The following SLC35F1 variants were observed in gnomAD, a reference collection of about 807,000 sequenced individuals.
SLC35F1 encodes the protein chromosome 6 open reading frame 169.
In SLC35F1, 14 loss-of-function variants were observed where a neutral mutation model predicts 48.7. The ratio of observed to expected loss-of-function variants is 0.29; its 90% CI spans 0.19 to 0.45. The LOEUF (loss-of-function observed/expected upper bound fraction) is 0.45, where lower values mean the gene tolerates loss of function less well. Ranked by LOEUF, SLC35F1 falls within the 20% of genes least tolerant of loss-of-function variation. The pLI is 1.00. For synonymous variants in SLC35F1, 190 were observed against 202.2 expected (o/e 0.94, Z 0.51); for missense variants, 404 against 500.0 (o/e 0.81, Z 1.83).
chr6:118,059,709 C>A (rs943387543), intron 1 of SLC35F1, among the ~76,000 whole-genome samples: 10 of 152,124 alleles, frequency 6.6e-5, no homozygotes, highest in Admixed American at 6.5e-4. Flanking sequence ...GTTTTAAAAG[C>A]TGGAAGCAAA....
At chr6:118,313,026 A>C (rs956422583) in intron 7 of SLC35F1, among the ~76,000 whole-genome samples, 1 of 152,148 alleles carries the variant, frequency 6.6e-6, no homozygotes, top group Non-Finnish European at 1.5e-5. Context: ...GTTTTTGTCT[A>C]TCTGTACCTG....
At chr6:118,279,999 A>G (rs900347047) in intron 6 of SLC35F1, among the ~76,000 whole-genome samples, 2 of 152,144 alleles carry the variant, frequency 1.3e-5, no homozygotes, top group Non-Finnish European at 2.9e-5. Context: ...TTTGGGATAC[A>G]TGTTTTCTAT....
intron 1 of SLC35F1, among the ~76,000 whole-genome samples, chr6:118,116,288 A>G (rs1275011018): frequency 6.6e-6 from 1 of 152,198 alleles, no homozygotes; most frequent in Admixed American, 6.5e-5. Flanking sequence ...TTTGTTTAGG[A>G]AAGCATACCT....
At chr6:118,312,263 T>C (rs1298698380) in intron 7 of SLC35F1, among the ~76,000 whole-genome samples, 6 of 152,284 alleles carry the variant, frequency 3.9e-5, no homozygotes, top group South Asian at 2.1e-4. Context: ...ATATTTGAAA[T>C]GATGGTAATG....
intron 1 of SLC35F1, among the ~76,000 whole-genome samples, chr6:118,047,617 T>C (rs979406855): frequency 6.6e-6 from 1 of 152,192 alleles, no homozygotes; most frequent in Non-Finnish European, 1.5e-5. Context: ...CATGTTGATT[T>C]CCACTCTAAC....
In SLC35F1 at chr6:117,953,373, A is replaced by ACACATAT. The variant is rs767194386; in HGVS notation, c.173+45474_173+45475insCACATAT. 2.5e-3 allele frequency among the ~76,000 whole-genome samples: 381 copies of ACACATAT among 152,226 alleles called. 1 individual carries two copies. The highest frequency in any genetic ancestry group is 2.9e-3 in the Non-Finnish European group (200 of 68,004). ...TTATTTTTTATTGAATTTTTTTCTA[A>ACACATAT]ATATGGCTTTGTACACATATATATC... On this transcript the variant is annotated intron_variant, in intron 1 of 7. Transcript: ENST00000360388.
intron 1 of SLC35F1, among the ~76,000 whole-genome samples, chr6:118,141,385 C>T (rs892832556): frequency 4.9e-4 from 73 of 148,440 alleles, no homozygotes; most frequent in African/African-American, 1.8e-3. Context: ...TCTAGGTTTG[C>T]GTAAGTACAC....
chr6:118,198,629 T>TA (rs1403528529), intron 2 of SLC35F1, among the ~76,000 whole-genome samples: 4 of 152,254 alleles, frequency 2.6e-5, no homozygotes, highest in African/African-American at 9.6e-5. Flanking sequence ...ATTAAACACT[T>TA]ACACTTCCAT....
intron 1 of SLC35F1, among the ~76,000 whole-genome samples, chr6:118,043,062 G>A (rs1273055715): frequency 6.6e-6 from 1 of 152,118 alleles, no homozygotes; most frequent in Non-Finnish European, 1.5e-5. Flanking sequence ...TGTGCGGTTA[G>A]GATTCTATTT....
chr6:118,079,227 TCTCTA>T (rs1236529158), intron 1 of SLC35F1, among the ~76,000 whole-genome samples: 3 of 152,290 alleles, frequency 2.0e-5, no homozygotes, highest in East Asian at 3.9e-4. Flanking sequence ...CTCTTGGTAG[TCTCTA>T]CTCTACTTCT....
chr6:118,094,157 A>G lies in SLC35F1; in HGVS notation c.174-60288A>G, dbSNP rs375758569. Among the ~76,000 whole-genome samples, 17 of 152,304 alleles carry G rather than the reference A, an allele frequency of 1.1e-4. No individual in the cohort carries two copies. The East Asian group carries it at 1.2e-3, about 10-fold the overall frequency. ...TATGGGGGAAAATCGAGATGCAAAGAAAGAGAGCAGGGATACTTTCAAGAG... is the reference window on the plus strand; with the variant it reads ...TATGGGGGAAAATCGAGATGCAAAGGAAGAGAGCAGGGATACTTTCAAGAG... On this transcript the variant is annotated intron_variant, in intron 1 of 7. Coordinates refer to ENST00000360388, the MANE Select transcript of SLC35F1 (RefSeq NM_001029858.4).
At chr6:118,193,180 T>C (rs180976301) in intron 2 of SLC35F1, among the ~76,000 whole-genome samples, 11 of 152,320 alleles carry the variant, frequency 7.2e-5, no homozygotes, top group Non-Finnish European at 1.3e-4. Context: ...ATTAGTGTAC[T>C]ATTAATGTCA....
intron 3 of SLC35F1, among the ~76,000 whole-genome samples, chr6:118,238,483 T>G (rs1354826409): frequency 6.6e-6 from 1 of 151,564 alleles, no homozygotes; most frequent in Non-Finnish European, 1.5e-5. Flanking sequence ...TTCTCATAAC[T>G]GGAACATCTA....
Position 118,060,732 on chromosome 6 carries a change from G to A in SLC35F1, c.174-93713G>A, listed in dbSNP as rs147004534. Among the ~76,000 whole-genome samples, 74 of 152,326 alleles carry A rather than the reference G, an allele frequency of 4.9e-4. 1 individual carries two copies. The Middle Eastern group carries it at 0.01, about 21-fold the overall frequency. On this transcript the variant is annotated intron_variant, in intron 1 of 7. Coordinates refer to ENST00000360388, the MANE Select transcript of SLC35F1 (RefSeq NM_001029858.4). ...TGTATTATTTTTGTCAGCCTGAATG[G>A]AAGATATTTAGTAAAGCAGGAACAA...
At chr6:118,287,304 A>G (rs1056711674) in intron 7 of SLC35F1, among the ~76,000 whole-genome samples, 6 of 152,142 alleles carry the variant, frequency 3.9e-5, no homozygotes, top group Non-Finnish European at 7.4e-5. Flanking sequence ...TCTCCTCTTC[A>G]GTTAAGCATC....
At chr6:118,000,552 CCTCT>C (rs1777076759) in intron 1 of SLC35F1, among the ~76,000 whole-genome samples, 1 of 152,094 alleles carries the variant, frequency 6.6e-6, no homozygotes, top group Non-Finnish European at 1.5e-5. Flanking sequence ...ACAGGGATTC[CCTCT>C]CTCACCACTC....
At chr6:117,925,876 T>C (rs917534891) in intron 1 of SLC35F1, among the ~76,000 whole-genome samples, 38 of 152,232 alleles carry the variant, frequency 2.5e-4, no homozygotes, top group South Asian at 4.1e-4. Context: ...ATTAGACAAA[T>C]ATATTGAGGA....
At position 117,923,617 on chromosome 6, in the gene SLC35F1, A is replaced by ATGTACATATATACATATG. The variant is rs1562238480; in HGVS notation, c.173+15722_173+15723insCATATATACATATGTGTA. ...CATATGTGTATATATACATATACAT[A>ATGTACATATATACATATG]TGTATATATACATATATGTACATAT... On this transcript the variant is annotated intron_variant, in intron 1 of 7. Coordinates refer to ENST00000360388, the MANE Select transcript of SLC35F1 (RefSeq NM_001029858.4). Among the ~76,000 whole-genome samples, 119 of 22,122 alleles carry ATGTACATATATACATATG rather than the reference A, an allele frequency of 5.4e-3. 19 individuals carry two copies. The highest frequency in any genetic ancestry group is 7.3e-3 in the African/African-American group (24 of 3,278). The allele number at this position is 22,122 out of a possible 152,430, so 14.5% of individuals were successfully genotyped here.
intron 2 of SLC35F1, among the ~76,000 whole-genome samples, chr6:118,205,142 A>G (rs1774918759): frequency 6.6e-6 from 1 of 152,172 alleles, no homozygotes; most frequent in African/African-American, 2.4e-5. Flanking sequence ...AGTCAAGACA[A>G]TGCTGTGAAG....
Sources: gnomAD v4.1 joint callset for allele counts (sites outside exome capture counted in the v4.1 genomes callset) on GRCh38, gnomAD v4.1.1 for gene constraint, MANE v1.5 for transcripts, NCBI Gene and HGNC (gene_info 2026-07-23, HGNC 2026-07-21) for gene names.